The following RSBN1L variants were observed in gnomAD, a reference collection of about 807,000 sequenced individuals.
RSBN1L encodes lysine-specific demethylase RSBN1L.
In RSBN1L, 30 loss-of-function variants were observed where a neutral mutation model predicts 67.7. The observed-to-expected ratio is 0.44, with a 90% CI of 0.33 to 0.60. The LOEUF (loss-of-function observed/expected upper bound fraction) is 0.60, where lower values mean the gene tolerates loss of function less well. RSBN1L is among the 20% of genes least tolerant of loss of function. The pLI is 0.02. For synonymous variants in RSBN1L, 433 were observed against 387.0 expected, an observed-to-expected ratio of 1.12 and a Z score of -1.39; for missense variants, 992 against 1,031.7, an observed-to-expected ratio of 0.96 and a Z score of 0.53.
intron 1 of RSBN1L, among the ~76,000 whole-genome samples, chr7:77,717,045 G>A (rs1791058699): frequency 6.6e-6 from 1 of 151,646 alleles, no homozygotes; most frequent in South Asian, 2.1e-4. Context: ...ATTGCAGTCT[G>A]GAACTGCTGG....
chr7:77,713,930 T>C (rs984549607), intron 1 of RSBN1L, among the ~76,000 whole-genome samples: 1 of 152,238 alleles, frequency 6.6e-6, no homozygotes, highest in Non-Finnish European at 1.5e-5. Context: ...AGAATTTATT[T>C]AGACACAAAA....
At chr7:77,702,743 G>C (rs10239157) in intron 1 of RSBN1L, among the ~76,000 whole-genome samples, 27,365 of 152,112 alleles carry the variant, frequency 0.18, 2,972 homozygotes, top group African/African-American at 0.31. Flanking sequence ...CTGGAAGCGT[G>C]AGGTCAGCAT....
chr7:77,755,390 C>T (rs1260702474), intron 3 of RSBN1L, among the ~76,000 whole-genome samples: 3 of 152,096 alleles, frequency 2.0e-5, no homozygotes, highest in Non-Finnish European at 4.4e-5. Context: ...AGCAGCTGGG[C>T]GTGGTGGCTC....
chr7:77,715,654 G>A (rs1483408313), intron 1 of RSBN1L, among the ~76,000 whole-genome samples: 2 of 152,142 alleles, frequency 1.3e-5, no homozygotes, highest in Non-Finnish European at 2.9e-5. Context: ...CCTGTTAAGT[G>A]TGTTTAAGTT....
Position 77,696,719 on chromosome 7 carries a change from G to T in RSBN1L, c.250G>T (p.Ala84Ser), listed in dbSNP as rs1790732852. 6.2e-7 allele frequency: 1 copy of T among 1,613,522 alleles called. No individual in the cohort carries two copies. Residue 84 changes from alanine to serine, a missense_variant, in exon 1 of 8, where the codon GCG becomes TCG. By Grantham distance (99) the Ala-to-Ser change is moderately conservative (BLOSUM62 1). This residue lies in a region of RSBN1L where 575 missense variants were observed against 483.2 expected (regional missense o/e 1.19). Coordinates refer to ENST00000334955, the MANE Select transcript of RSBN1L (RefSeq NM_198467.3). ...TTCGCCTCAGAGCTATGGCAGCCCC[G>T]CGTCTTGGAGCTTTGCCCCTCTGTC... ...APSPQSYGSPASWSFAPLSAA... is the reference protein window; with the variant it reads ...APSPQSYGSPSSWSFAPLSAA...
intron 4 of RSBN1L, among the ~76,000 whole-genome samples, chr7:77,766,465 G>A (rs1791767623): frequency 6.6e-6 from 1 of 151,824 alleles, no homozygotes. Context: ...GATTACAGGT[G>A]TGAGCCACTG....
At chr7:77,735,513 G>A (rs1791322844) in intron 1 of RSBN1L, among the ~76,000 whole-genome samples, 1 of 152,052 alleles carries the variant, frequency 6.6e-6, no homozygotes, top group Admixed American at 6.6e-5. Context: ...TTAGGACCTG[G>A]GTTATGGTAG....
chr7:77,705,114 A>C (rs1000760133), intron 1 of RSBN1L, among the ~76,000 whole-genome samples: 12 of 152,160 alleles, frequency 7.9e-5, no homozygotes, highest in Non-Finnish European at 4.4e-5. Context: ...GTATATTGCC[A>C]GTCTAGATTC....
intron 1 of RSBN1L, among the ~76,000 whole-genome samples, chr7:77,719,106 A>T (rs1314295667): frequency 6.6e-6 from 1 of 152,180 alleles, no homozygotes; most frequent in Non-Finnish European, 1.5e-5. Context: ...TCTTCTTATG[A>T]CTTAGCTTTG....
rs117608721 is a variant in RSBN1L, at chr7:77,770,182, T to A, written c.1625+1379T>A. 6.5e-3 allele frequency among the ~76,000 whole-genome samples: 986 copies of A among 152,142 alleles called. 5 individuals carry two copies. Among genetic ancestry groups the A allele is most frequent in the Middle Eastern group, 0.037 (11 of 294 alleles). On this transcript the variant is annotated intron_variant, in intron 5 of 7. Coordinates refer to ENST00000334955, the MANE Select transcript of RSBN1L (RefSeq NM_198467.3). ...GAAGTCAGGAGTTTGAAGATCAGCCTGGCCAACATGAGGAAACCCCGTCTC... is the reference window on the plus strand; with the variant it reads ...GAAGTCAGGAGTTTGAAGATCAGCCAGGCCAACATGAGGAAACCCCGTCTC...
intron 1 of RSBN1L, among the ~76,000 whole-genome samples, chr7:77,708,604 G>A (rs762573995): frequency 6.6e-6 from 1 of 151,450 alleles, no homozygotes; most frequent in Non-Finnish European, 1.5e-5. Flanking sequence ...GGATGGTCTC[G>A]ATCTCCTGAC....
intron 1 of RSBN1L, among the ~76,000 whole-genome samples, chr7:77,700,844 T>C (rs2150410746): frequency 6.6e-6 from 1 of 152,294 alleles, no homozygotes; most frequent in South Asian, 2.1e-4. Context: ...AACTTACCCA[T>C]TCCATTTGTT....
At chr7:77,731,712 C>G (rs574686398) in intron 1 of RSBN1L, among the ~76,000 whole-genome samples, 9 of 152,052 alleles carry the variant, frequency 5.9e-5, no homozygotes, top group South Asian at 4.1e-4. Context: ...TAATGAAATC[C>G]AGCTTTATCA....
Position 77,697,000 on chromosome 7 carries a change from A to T in RSBN1L, c.531A>T (p.Arg177=), listed in dbSNP as rs1419551987. ...ERRRHGLGGA[R]EAGGASREEN... The stretch of plus-strand genomic sequence containing the variant: ...GGAGGCACGGTCTCGGTGGGGCCCG[A>T]GAGGCCGGCGGGGCCTCCCGGGAGG... Residue 177 remains arginine, a synonymous_variant, in exon 1 of 8, where the codon CGA becomes CGT. Transcript: ENST00000334955. 6.5e-7 allele frequency: 1 copy of T among 1,533,476 alleles called. No individual in the cohort carries two copies. Among genetic ancestry groups the T allele is most frequent in the African/African-American group, 1.4e-5 (1 of 72,350 alleles). The allele number at this position is 1,533,476 out of a possible 1,614,324, so 95.0% of individuals were successfully genotyped here.
intron 1 of RSBN1L, among the ~76,000 whole-genome samples, chr7:77,709,521 C>T (rs559063176): frequency 1.3e-5 from 2 of 152,230 alleles, no homozygotes; most frequent in East Asian, 3.9e-4. Context: ...AACTCCTGAC[C>T]TCAGGTGATC....
At position 77,781,498 on chromosome 7, in the gene RSBN1L, T is replaced by C. The variant is rs1039717378; in HGVS notation, c.*2330T>C. The C allele has an allele frequency of 2.0e-5, 3 of 152,182 alleles. No individual in the cohort carries two copies. The highest frequency in any genetic ancestry group is 1.3e-4 in the Admixed American group (2 of 15,276). 9.4% of individuals were successfully genotyped at this position (152,182 alleles called of 1,614,324 possible). ...TTGTGTTTTATTTCCAGTTTTCCAG[T>C]AGCATATATGTAGATGCATTGAGGT... On this transcript the variant is annotated 3_prime_UTR_variant, in exon 8 of 8. Transcript: ENST00000334955.
intron 1 of RSBN1L, among the ~76,000 whole-genome samples, chr7:77,704,688 T>G (rs1436435078): frequency 6.6e-6 from 1 of 152,060 alleles, no homozygotes; most frequent in Non-Finnish European, 1.5e-5. Context: ...TTATAAAGTT[T>G]AAATTGTGGC....
intron 2 of RSBN1L, among the ~76,000 whole-genome samples, chr7:77,738,861 C>A (rs1377974306): frequency 6.6e-6 from 1 of 152,060 alleles, no homozygotes; most frequent in Non-Finnish European, 1.5e-5. Flanking sequence ...ATCGCTTGAA[C>A]CCAGGAGGCG....
chr7:77,709,770 C>T (rs912577303), intron 1 of RSBN1L, among the ~76,000 whole-genome samples: 3 of 152,162 alleles, frequency 2.0e-5, no homozygotes, highest in African/African-American at 7.2e-5. Context: ...CTGGCTTTTG[C>T]TAATTGCCCT....
Sources: allele counts gnomAD v4.1 joint callset (sites outside exome capture counted in the v4.1 genomes callset), GRCh38; gene constraint gnomAD v4.1.1; regional missense constraint gnomAD v4.1.1; transcripts MANE v1.5; gene names NCBI Gene and HGNC (gene_info 2026-07-23, HGNC 2026-07-21).